CNTN5: variants seen among roughly 807,000 people sequenced by gnomAD.
The protein encoded by CNTN5 is contactin 5, also known as contactin-5.
In CNTN5, 77 loss-of-function variants were observed where a neutral mutation model predicts 129.1. The ratio of observed to expected loss-of-function variants is 0.60; its 90% CI spans 0.50 to 0.72. The LOEUF is 0.72. CNTN5 is among the 30% of genes least tolerant of loss of function. CNTN5 has a pLI of 0.00. For synonymous variants in CNTN5, 509 were observed against 465.6 expected, an observed-to-expected ratio of 1.09 and a Z score of -1.20; for missense variants, 1,478 against 1,328.8, an observed-to-expected ratio of 1.11 and a Z score of -1.75.
At chr11:99,299,037 A>G (rs1864508577) in intron 1 of CNTN5, among the ~76,000 whole-genome samples, 1 of 151,898 alleles carries the variant, frequency 6.6e-6, no homozygotes, top group Non-Finnish European at 1.5e-5. Context: ...TCCAAAATAA[A>G]CCTGTCTTTG....
chr11:99,857,052 C>T (rs1361296295), intron 6 of CNTN5, among the ~76,000 whole-genome samples: 1 of 150,862 alleles, frequency 6.6e-6, no homozygotes, highest in Non-Finnish European at 1.5e-5. Context: ...CTCTCCCTCC[C>T]TCCCTCTCTC....
At chr11:99,251,804 G>A (rs1448101541) in intron 1 of CNTN5, among the ~76,000 whole-genome samples, 1 of 151,952 alleles carries the variant, frequency 6.6e-6, no homozygotes, top group Non-Finnish European at 1.5e-5. Flanking sequence ...ACGCCTAAGT[G>A]GTGGTTGGAA....
intron 3 of CNTN5, among the ~76,000 whole-genome samples, chr11:99,580,767 T>G (rs565238920): frequency 7.1e-6 from 1 of 140,028 alleles, no homozygotes; most frequent in Non-Finnish European, 1.5e-5. Flanking sequence ...TTTGTTGATC[T>G]TTTCAAAAAA....
At chr11:99,212,977 G>A (rs1859883655) in intron 1 of CNTN5, among the ~76,000 whole-genome samples, 1 of 151,850 alleles carries the variant, frequency 6.6e-6, no homozygotes, top group Non-Finnish European at 1.5e-5. Context: ...GGATCACGAA[G>A]TCAGGAGATG....
intron 3 of CNTN5, among the ~76,000 whole-genome samples, chr11:99,728,212 G>C (rs753373375): frequency 6.6e-6 from 1 of 152,058 alleles, no homozygotes; most frequent in Admixed American, 6.5e-5. Flanking sequence ...ATGAGAGAGA[G>C]AGAGGGAAAG....
chr11:99,838,590 G>A (rs1947377793), intron 4 of CNTN5, among the ~76,000 whole-genome samples: 1 of 152,156 alleles, frequency 6.6e-6, no homozygotes, highest in African/African-American at 2.4e-5. Context: ...TCTTTCATGA[G>A]GCTGCAGTCA....
intron 3 of CNTN5, among the ~76,000 whole-genome samples, chr11:99,663,516 GA>G (rs1952673503): frequency 6.6e-6 from 1 of 152,066 alleles, no homozygotes; most frequent in Non-Finnish European, 1.5e-5. Context: ...CACGTTAAAT[GA>G]ATTTAATGGT....
At chr11:99,464,485 G>T (rs1944856937) in intron 2 of CNTN5, among the ~76,000 whole-genome samples, 1 of 152,036 alleles carries the variant, frequency 6.6e-6, no homozygotes, top group Non-Finnish European at 1.5e-5. Flanking sequence ...TATATTTATA[G>T]GTGATGAGTA....
intron 6 of CNTN5, among the ~76,000 whole-genome samples, chr11:99,864,387 C>A (rs932890639): frequency 1.3e-5 from 2 of 152,114 alleles, no homozygotes; most frequent in Non-Finnish European, 2.9e-5. Flanking sequence ...TCTCTGCTAT[C>A]GTCCTGCAGG....
intron 1 of CNTN5, among the ~76,000 whole-genome samples, chr11:99,242,387 T>TAA (rs1861604421): frequency 6.6e-6 from 1 of 152,148 alleles, no homozygotes; most frequent in Non-Finnish European, 1.5e-5. Context: ...GTTAAAGTAT[T>TAA]TACATTAAGA....
At chr11:99,399,556 C>T (rs1565550132) in intron 2 of CNTN5, among the ~76,000 whole-genome samples, 1 of 151,490 alleles carries the variant, frequency 6.6e-6, no homozygotes, top group Admixed American at 6.6e-5. Flanking sequence ...TATGTAATAA[C>T]ACATTCTAAT....
chr11:99,357,294 C>T (rs867273504), intron 2 of CNTN5, among the ~76,000 whole-genome samples: 1 of 152,100 alleles, frequency 6.6e-6, no homozygotes, highest in South Asian at 2.1e-4. Context: ...TCAATATAGC[C>T]ACCAGCGTAT....
At chr11:99,708,436 C>G (rs1954841249) in intron 3 of CNTN5, among the ~76,000 whole-genome samples, 1 of 151,566 alleles carries the variant, frequency 6.6e-6, no homozygotes, top group Non-Finnish European at 1.5e-5. Context: ...GTCAATCAGT[C>G]AACATGAAAC....
At chr11:100,167,994 T>C (rs1021224309) in intron 13 of CNTN5, among the ~76,000 whole-genome samples, 1 of 151,912 alleles carries the variant, frequency 6.6e-6, no homozygotes, top group Non-Finnish European at 1.5e-5. Flanking sequence ...TCTAGGTAGA[T>C]CAAGCCAACC....
At chr11:99,436,724 T>A (rs900228761) in intron 2 of CNTN5, among the ~76,000 whole-genome samples, 1 of 152,142 alleles carries the variant, frequency 6.6e-6, no homozygotes, top group Non-Finnish European at 1.5e-5. Flanking sequence ...TACTCAAAAA[T>A]TCAACATTTT....
intron 6 of CNTN5, among the ~76,000 whole-genome samples, chr11:99,876,095 T>G (rs1395788009): frequency 6.6e-6 from 1 of 152,144 alleles, no homozygotes; most frequent in Non-Finnish European, 1.5e-5. Context: ...TTCTCATTTT[T>G]TTCCAGTTTT....
chr11:99,282,883 A>G (rs1056287710), intron 1 of CNTN5, among the ~76,000 whole-genome samples: 9 of 152,052 alleles, frequency 5.9e-5, no homozygotes, highest in Non-Finnish European at 5.9e-5. Flanking sequence ...CCTTTCCCCA[A>G]TGGCCATTAG....
intron 24 of CNTN5, among the ~76,000 whole-genome samples, chr11:100,355,554 C>A (rs1419489706): frequency 6.6e-6 from 1 of 151,676 alleles, no homozygotes; most frequent in African/African-American, 2.4e-5. Flanking sequence ...TACGTTTATA[C>A]AACTAGCAGA....
chr11:99,630,677 T>C (rs1951313367), intron 3 of CNTN5, among the ~76,000 whole-genome samples: 1 of 152,144 alleles, frequency 6.6e-6, no homozygotes, highest in African/African-American at 2.4e-5. Flanking sequence ...CGCAATTTAC[T>C]TCAACACATT....
Sources: allele counts gnomAD v4.1 joint callset (sites outside exome capture counted in the v4.1 genomes callset), GRCh38; gene constraint gnomAD v4.1.1; transcripts MANE v1.5; gene names NCBI Gene and HGNC (gene_info 2026-07-23, HGNC 2026-07-21).